The following DCTN1 variants were observed in gnomAD, a reference collection of about 807,000 sequenced individuals.
DCTN1 encodes the protein dynactin subunit 1, also known as 150 kDa dynein-associated polypeptide.
In DCTN1, 61 loss-of-function variants were observed where a neutral mutation model predicts 161.2. That is an observed-to-expected ratio of 0.38 (90% CI 0.31 to 0.47). The LOEUF is 0.47. Among genes scored for constraint, DCTN1 ranks in the 20% least tolerant of loss-of-function variants. The pLI, the probability that DCTN1 is intolerant of heterozygous loss-of-function variation, is 0.99. For missense variants in DCTN1, 1,404 were observed against 1,623.7 expected (o/e 0.86, Z 2.33); for synonymous variants, 653 against 632.4 (o/e 1.03, Z -0.49).
chr2:74,370,710 G>A lies in DCTN1; in HGVS notation c.959C>T (p.Ser320Phe), dbSNP rs149526947. ...CAGTGCCTCCACCTCCTGCTGCAGG[G>A]ACTCAGCCCGCTCTTCAGCCATCTC... is the stretch of plus-strand genomic sequence containing the variant. ...DKEMAEERAESLQQEVEALKE... is the reference protein window; with the variant it reads ...DKEMAEERAEFLQQEVEALKE... Residue 320 changes from serine to phenylalanine, a missense_variant, in exon 10 of 32, where the codon TCC becomes TTC. Physicochemically the swap from Ser to Phe is radical, Grantham distance 155 (BLOSUM62 -2). Around this residue, in one of 9 missense-constraint regions of DCTN1, gnomAD observed 5 missense variants for 23.4 expected, o/e 0.21. Transcript: ENST00000628224. This position sits in a 1 kb window ranked among gnomAD's most constrained non-coding sequence, Gnocchi z 4.4. 1 of 1,614,146 alleles carries A rather than the reference G, an allele frequency of 6.2e-7. No homozygotes were observed. The highest frequency in any genetic ancestry group is 8.5e-7 in the Non-Finnish European group (1 of 1,180,024).
In DCTN1 at chr2:74,366,368, C is replaced by T; in HGVS notation, c.2636G>A (p.Gly879Glu). ...CTCATAGGGGCTGCTGGAGGGGGTC[C>T]CATAGATCTGCAGGAGCCAAGGGCA... ...LAFKASEQIY[G>E]TPSSSPYECL... The change falls in exon 23 of 32, where the codon GGG becomes GAG. Residue 879 changes from glycine to glutamate, a missense_variant. Gly to Glu is a moderately conservative substitution (Grantham distance 98). This residue lies in a region of DCTN1 where 475 missense variants were observed against 489.8 expected (regional missense o/e 0.97). Transcript: ENST00000628224. 2 of 1,614,212 alleles carry T rather than the reference C, an allele frequency of 1.2e-6. No homozygotes were observed. Among genetic ancestry groups the T allele is most frequent in the Non-Finnish European group, 1.7e-6 (2 of 1,180,028 alleles).
Position 74,371,576 on chromosome 2 carries a change from G to T in DCTN1, c.606C>A (p.Thr202=). ...GAAGCGGGGGGACTGCTCCAGGAGAGGTGAGGACCGGCGTGGGGATGATGG... is the reference window on the plus strand; with the variant it reads ...GAAGCGGGGGGACTGCTCCAGGAGATGTGAGGACCGGCGTGGGGATGATGG... The part of the protein sequence containing the change: ...AAPIIPTPVL[T]SPGAVPPLPS... The change falls in exon 8 of 32, where the codon ACC becomes ACA. Residue 202 remains threonine (T), a synonymous_variant. Transcript: ENST00000628224. 6.3e-7 allele frequency: 1 copy of T among 1,585,838 alleles called. No individual in the cohort carries two copies. The highest frequency in any genetic ancestry group is 2.3e-5 in the East Asian group (1 of 43,782).
Position 74,366,790 on chromosome 2 carries a change from C to G in DCTN1, c.2459G>C (p.Gly820Ala), listed in dbSNP as rs760997307. 3 of 1,614,250 alleles carry G rather than the reference C, an allele frequency of 1.9e-6. No individual in the cohort carries two copies. The highest frequency in any genetic ancestry group is 2.5e-6 in the Non-Finnish European group (3 of 1,180,042). The change falls in exon 21 of 32, where the codon GGA becomes GCA. Residue 820 changes from glycine (G) to alanine (A), a missense_variant. By Grantham distance (60) the Gly-to-Ala change is moderately conservative. Coordinates refer to ENST00000628224, the MANE Select transcript of DCTN1 (RefSeq NM_004082.5). Reference sequence around the variant, plus strand: ...CCAGTTGCAGCCTTAAACCTGTGGTCCAAAGGCCAGTGCAGCTGGGATCCC... The same window carrying G: ...CCAGTTGCAGCCTTAAACCTGTGGTGCAAAGGCCAGTGCAGCTGGGATCCC... ...APGIPAALAF[G>A]PQVSDTLLDC... is the part of the protein sequence containing the mutation.
intron 1 of DCTN1, among the ~76,000 whole-genome samples, chr2:74,379,598 C>T: frequency 6.6e-6 from 1 of 152,274 alleles, no homozygotes. Flanking sequence ...CCTCTCAGAA[C>T]CAGGGGGCCA....
At chr2:74,379,555 T>A (rs558331515) in intron 1 of DCTN1, among the ~76,000 whole-genome samples, 1 of 151,918 alleles carries the variant, frequency 6.6e-6, no homozygotes. Flanking sequence ...GAACCCAAAG[T>A]CAGAGACTCC....
In DCTN1 at chr2:74,370,876, GC is replaced by G; in HGVS notation, c.844-52del. ...GGGTACCAGCACAGAGATGCCCCAG[GC>G]CTTTCTCACAGTATGTTCCAGGCTC... is the stretch of plus-strand genomic sequence containing the variant. On this transcript the variant is annotated intron_variant, in intron 9 of 31. Transcript: ENST00000628224. This position sits in a 1 kb window ranked among gnomAD's most constrained non-coding sequence, Gnocchi z 4.4. The G allele has an allele frequency of 5.0e-6, 8 of 1,613,318 alleles. No individual in the cohort carries two copies. The highest frequency in any genetic ancestry group is 6.8e-6 in the Non-Finnish European group (8 of 1,179,470).
chr2:74,381,927 T>C (rs921506612), upstream of DCTN1, among the ~76,000 whole-genome samples: 18 of 152,114 alleles, frequency 1.2e-4, no homozygotes, highest in African/African-American at 2.9e-4. Flanking sequence ...AATAACCCCA[T>C]TGAGAGGTTG....
chr2:74,371,281 C>A, intron 8 of DCTN1, 105 bp from the exon 9 acceptor site: 1 of 1,601,490 alleles, frequency 6.2e-7, no homozygotes. Context: ...TCACCCAGCC[C>A]CAGGGTGGCC....
At chr2:74,374,618 G>A (rs1333947090) in intron 5 of DCTN1, 31 of 1,248,022 alleles carry the variant, frequency 2.5e-5, no homozygotes, top group South Asian at 2.1e-4. Context: ...GGCAGGCACC[G>A]GAGCGGTGCC....
chr2:74,389,604 T>C (rs1005094120), intron 1 of DCTN1, among the ~76,000 whole-genome samples: 7 of 152,320 alleles, frequency 4.6e-5, no homozygotes, highest in African/African-American at 1.2e-4. Context: ...GCCCCACTTA[T>C]CAATTCGTCC....
intron 16 of DCTN1, 53 bp downstream of exon 16, chr2:74,368,675 G>A: frequency 2.5e-6 from 4 of 1,613,594 alleles, no homozygotes; most frequent in Middle Eastern, 1.6e-4. Context: ...TCAATGCCTG[G>A]TTCATGGCAA....
upstream of DCTN1, among the ~76,000 whole-genome samples, chr2:74,382,877 C>A (rs541289157): frequency 2.6e-4 from 39 of 151,136 alleles, no homozygotes; most frequent in Admixed American, 2.0e-3. Flanking sequence ...TCGAGACCAT[C>A]CTGGCTAACA....
Position 74,367,112 on chromosome 2 carries a change from G to A in DCTN1, c.2254-5C>T, listed in dbSNP as rs746514094. On this transcript the variant is annotated splice_region_variant and splice_polypyrimidine_tract_variant and intron_variant, in intron 19 of 31. Transcript: ENST00000628224. ...GTCCAGAGCACTCTGCGTGAACTGT[G>A]AGGATAGAAGCATGCAATCATCAGC... 8.1e-6 allele frequency: 13 copies of A among 1,614,028 alleles called. No homozygotes were observed. Among genetic ancestry groups the A allele is most frequent in the Non-Finnish European group, 7.6e-6 (9 of 1,180,022 alleles).
At chr2:74,391,334 G>T in intron 1 of DCTN1, 1 of 177,198 alleles carries the variant, frequency 5.6e-6, no homozygotes, top group South Asian at 1.3e-4. Flanking sequence ...GGATGCGCAA[G>T]ATGACCTCAA....
intron 5 of DCTN1, chr2:74,374,799 C>A (rs1393077354): frequency 1.9e-6 from 2 of 1,026,462 alleles, no homozygotes; most frequent in Non-Finnish European, 2.4e-6. Flanking sequence ...GACAGTCATG[C>A]GCAGAGCTTG....
chr2:74,384,009 G>C (rs568156463), upstream of DCTN1, among the ~76,000 whole-genome samples: 2 of 152,316 alleles, frequency 1.3e-5, no homozygotes, highest in African/African-American at 4.8e-5. Context: ...GTCAATGAAT[G>C]CATGAATAAG....
intron 8 of DCTN1, 66 bp from the exon 9 acceptor site, chr2:74,371,242 C>T (rs540979501): frequency 1.7e-5 from 27 of 1,607,298 alleles, no homozygotes; most frequent in Non-Finnish European, 2.3e-5. Flanking sequence ...ACTGAGCTGG[C>T]GCAAAGAACA....
intron 1 of DCTN1, among the ~76,000 whole-genome samples, chr2:74,389,673 C>A (rs1675904630): frequency 6.6e-6 from 1 of 152,220 alleles, no homozygotes; most frequent in African/African-American, 2.4e-5. Context: ...CTACTTCAGT[C>A]TGCCATGTAA....
intron 29 of DCTN1, 85 bp downstream of exon 29, chr2:74,362,908 TG>T (rs1233068182): frequency 2.7e-6 from 4 of 1,483,020 alleles, no homozygotes; most frequent in African/African-American, 1.4e-5. Context: ...GCTTCTGTGG[TG>T]GGGGAACCAC....
Sources: allele counts gnomAD v4.1 joint callset (sites outside exome capture counted in the v4.1 genomes callset), GRCh38; gene constraint gnomAD v4.1.1; regional missense constraint gnomAD v4.1.1; non-coding constraint Gnocchi (gnomAD v3.1); transcripts MANE v1.5; gene names NCBI Gene and HGNC (gene_info 2026-07-23, HGNC 2026-07-21).